RIMS2: variants seen among roughly 807,000 people sequenced by gnomAD.
RIMS2 encodes regulating synaptic membrane exocytosis protein 2.
In RIMS2, 59 loss-of-function variants were observed where a neutral mutation model predicts 174.4. The ratio of observed to expected loss-of-function variants is 0.34; its 90% CI spans 0.27 to 0.42. RIMS2 has a LOEUF of 0.42. RIMS2 is among the 10% of genes least tolerant of loss of function. RIMS2 has a pLI of 1.00. For synonymous variants in RIMS2, 606 were observed against 572.5 expected, an observed-to-expected ratio of 1.06 and a Z score of -0.84; for missense variants, 1,620 against 1,666.3, an observed-to-expected ratio of 0.97 and a Z score of 0.48.
chr8:103,604,559 G>A (rs1331083217), intron 1 of RIMS2, among the ~76,000 whole-genome samples: 2 of 151,570 alleles, frequency 1.3e-5, no homozygotes, highest in African/African-American at 2.4e-5. Context: ...GCTTGATGGG[G>A]ATGGCATTCA....
At chr8:103,631,943 A>G (rs1036201784) in intron 1 of RIMS2, among the ~76,000 whole-genome samples, 1 of 152,168 alleles carries the variant, frequency 6.6e-6, no homozygotes, top group Non-Finnish European at 1.5e-5. Flanking sequence ...TTGTTGGTGT[A>G]TAAAAATACT....
chr8:104,152,432 G>T (rs1276793966), intron 19 of RIMS2, among the ~76,000 whole-genome samples: 2 of 152,044 alleles, frequency 1.3e-5, no homozygotes, highest in Non-Finnish European at 2.9e-5. Context: ...AACAGAGATT[G>T]TTTTACAATT....
intron 19 of RIMS2, among the ~76,000 whole-genome samples, chr8:104,188,336 C>G (rs1168393589): frequency 6.6e-6 from 1 of 151,368 alleles, no homozygotes; most frequent in Non-Finnish European, 1.5e-5. Context: ...TAGAGCTATC[C>G]AGAGCTTAAA....
intron 2 of RIMS2, among the ~76,000 whole-genome samples, chr8:103,746,152 A>C (rs979896542): frequency 4.6e-5 from 7 of 152,182 alleles, no homozygotes; most frequent in Non-Finnish European, 7.3e-5. Context: ...GTCCAACTTC[A>C]CTGTTTTGCA....
chr8:103,771,861 A>C (rs887357085), intron 3 of RIMS2, among the ~76,000 whole-genome samples: 27 of 152,118 alleles, frequency 1.8e-4, no homozygotes, highest in African/African-American at 6.5e-4. Context: ...TTCAACAGAT[A>C]TTTATTGAAT....
At chr8:104,129,251 C>T (rs2098455463) in intron 19 of RIMS2, among the ~76,000 whole-genome samples, 1 of 151,822 alleles carries the variant, frequency 6.6e-6, no homozygotes, top group Admixed American at 6.6e-5. Flanking sequence ...CCACGTGTGG[C>T]AGTGCAATCC....
In RIMS2 at chr8:103,574,188, A is replaced by G. The variant is rs1051393498; in HGVS notation, c.176+73126A>G. On this transcript the variant is annotated intron_variant, in intron 1 of 23. Transcript: ENST00000504942. ...TAATCTGCTTAGAACGACCTAAGAG[A>G]TATCACTTACTGGATGCTATTCAAA... Among the ~76,000 whole-genome samples the G allele has an allele frequency of 2.6e-5, 4 of 152,226 alleles. No individual in the cohort carries two copies. In the East Asian group the frequency reaches 5.8e-4, roughly 22 times the overall value.
At chr8:104,246,876 G>A (rs1380449661) in intron 20 of RIMS2, among the ~76,000 whole-genome samples, 1 of 152,110 alleles carries the variant, frequency 6.6e-6, no homozygotes, top group Non-Finnish European at 1.5e-5. Context: ...GGCAGCTTAT[G>A]TAGACTTTAT....
At chr8:104,150,907 G>C (rs778955435) in intron 19 of RIMS2, among the ~76,000 whole-genome samples, 4 of 152,096 alleles carry the variant, frequency 2.6e-5, no homozygotes, top group Non-Finnish European at 4.4e-5. Context: ...CCTATCATTT[G>C]CCAGGGACTA....
chr8:103,628,219 CT>C (rs1201401726), intron 1 of RIMS2, among the ~76,000 whole-genome samples: 2 of 152,050 alleles, frequency 1.3e-5, no homozygotes, highest in African/African-American at 4.8e-5. Context: ...ATTTTCTCTA[CT>C]AATTACAATT....
At chr8:103,849,657 G>A (rs1303510168) in intron 3 of RIMS2, among the ~76,000 whole-genome samples, 1 of 151,944 alleles carries the variant, frequency 6.6e-6, no homozygotes, top group Non-Finnish European at 1.5e-5. Flanking sequence ...CAGTGGAGGT[G>A]ACTTCTGTTA....
intron 1 of RIMS2, among the ~76,000 whole-genome samples, chr8:103,550,199 G>T (rs547029784): frequency 3.9e-5 from 6 of 152,236 alleles, no homozygotes; most frequent in South Asian, 4.2e-4. Flanking sequence ...TGACCACATA[G>T]TTGGGAGTAA....
At chr8:103,926,070 A>G (rs1339024291) in intron 10 of RIMS2, among the ~76,000 whole-genome samples, 3 of 151,516 alleles carry the variant, frequency 2.0e-5, no homozygotes, top group Non-Finnish European at 4.4e-5. Context: ...ATTTTAGAAC[A>G]TGGAAAAATG....
intron 1 of RIMS2, among the ~76,000 whole-genome samples, chr8:103,651,088 T>C (rs1188955413): frequency 1.3e-5 from 2 of 152,234 alleles, no homozygotes; most frequent in African/African-American, 4.8e-5. Flanking sequence ...GCTCAGTGTA[T>C]TGGACCCAGG....
chr8:104,012,002 A>G (rs1320137223), intron 17 of RIMS2, among the ~76,000 whole-genome samples: 2 of 152,000 alleles, frequency 1.3e-5, no homozygotes, highest in African/African-American at 4.8e-5. Flanking sequence ...CAGCTGTGAT[A>G]TTTACACTAT....
At chr8:104,016,745 T>G (rs1332894279) in intron 19 of RIMS2, among the ~76,000 whole-genome samples, 2 of 152,088 alleles carry the variant, frequency 1.3e-5, no homozygotes, top group African/African-American at 4.8e-5. Context: ...AATTGAATTT[T>G]TAATGTTGTT....
intron 19 of RIMS2, among the ~76,000 whole-genome samples, chr8:104,102,301 T>C (rs2097917753): frequency 6.6e-6 from 1 of 152,200 alleles, no homozygotes; most frequent in African/African-American, 2.4e-5. Flanking sequence ...TGGCCTGTTA[T>C]CTTTGCACCT....
At chr8:103,510,960 G>A (rs758920818) in intron 1 of RIMS2, among the ~76,000 whole-genome samples, 132 of 152,176 alleles carry the variant, frequency 8.7e-4, no homozygotes, top group African/African-American at 3.1e-3. Flanking sequence ...TTATAAAGTA[G>A]ATACTGAACT....
chr8:103,669,557 C>T (rs2096718915), intron 1 of RIMS2, among the ~76,000 whole-genome samples: 1 of 152,184 alleles, frequency 6.6e-6, no homozygotes, highest in African/African-American at 2.4e-5. Flanking sequence ...TAGTTGCTTC[C>T]TAGATACAGT....
Sources: allele counts gnomAD v4.1 joint callset (sites outside exome capture counted in the v4.1 genomes callset), GRCh38; gene constraint gnomAD v4.1.1; transcripts MANE v1.5; gene names NCBI Gene and HGNC (gene_info 2026-07-23, HGNC 2026-07-21).